The following LRRTM4 variants were observed in gnomAD, a reference collection of about 807,000 sequenced individuals.
LRRTM4 encodes leucine rich repeat transmembrane neuronal 4.
LRRTM4 carries 25 observed loss-of-function variants against 47.6 expected under a neutral mutation model. The ratio of observed to expected loss-of-function variants is 0.53; its 90% confidence interval spans 0.38 to 0.73. The LOEUF (loss-of-function observed/expected upper bound fraction) is 0.73. Ranked by LOEUF, LRRTM4 falls within the 30% of genes least tolerant of loss-of-function variation. The pLI, the probability that LRRTM4 is intolerant of heterozygous loss-of-function variation, is 0.00. For synonymous variants in LRRTM4, 311 were observed against 269.5 expected (o/e 1.15, Z -1.51); for missense variants, 638 against 713.4 (o/e 0.89, Z 1.20).
intron 3 of LRRTM4, among the ~76,000 whole-genome samples, chr2:76,833,283 T>A (rs924478514): frequency 2.6e-5 from 4 of 152,148 alleles, no homozygotes; most frequent in Non-Finnish European, 5.9e-5. Flanking sequence ...GACTTATCCA[T>A]CTATATCCGT....
At chr2:76,793,184 T>C (rs1484235686) in intron 3 of LRRTM4, among the ~76,000 whole-genome samples, 1 of 152,174 alleles carries the variant, frequency 6.6e-6, no homozygotes, top group Non-Finnish European at 1.5e-5. Context: ...GTGTAACCTA[T>C]TTATACTCTA....
chr2:77,002,756 C>G (rs1233345540), intron 3 of LRRTM4, among the ~76,000 whole-genome samples: 3 of 152,072 alleles, frequency 2.0e-5, no homozygotes, highest in East Asian at 3.9e-4. Context: ...TTTTTCTCAT[C>G]ATTTAGGTCT....
rs981523910 is a variant in LRRTM4 at position 76,747,714 on chromosome 2, AATAAT to A, written c.*976_*980del. 6.6e-6 allele frequency: 1 copy of A among 152,226 alleles called. No individual in the cohort carries two copies. Among genetic ancestry groups the A allele is most frequent in the African/African-American group, 2.4e-5 (1 of 41,452 alleles). The allele number at this position is 152,226 out of a possible 1,614,324, so 9.4% of individuals were successfully genotyped here. A position where few individuals can be genotyped will look rare whatever the true frequency, so the allele number is the denominator to read the frequency against. Reference sequence around the variant, plus strand: ...GTGGGCTGTGGTATACCAACCACAAAATAATATATTTATTTTTCAATATTTTTTCT... The same window carrying A: ...GTGGGCTGTGGTATACCAACCACAAAATATTTATTTTTCAATATTTTTTCT... On this transcript the variant is annotated 3_prime_UTR_variant, in exon 4 of 4. Transcript: ENST00000409884.
intron 3 of LRRTM4, among the ~76,000 whole-genome samples, chr2:77,081,113 C>A (rs1485018194): frequency 6.6e-6 from 1 of 152,034 alleles, no homozygotes; most frequent in Admixed American, 6.6e-5. Context: ...CTTTGGTTTT[C>A]TGTGATAGCC....
At chr2:77,486,909 C>CG (rs1168339562) in intron 3 of LRRTM4, among the ~76,000 whole-genome samples, 32 of 152,152 alleles carry the variant, frequency 2.1e-4, no homozygotes, top group African/African-American at 7.2e-4. Flanking sequence ...TGAAAGATGA[C>CG]CATCAGAGAT....
intron 3 of LRRTM4, among the ~76,000 whole-genome samples, chr2:77,325,820 C>G (rs1333914842): frequency 6.6e-6 from 1 of 152,146 alleles, no homozygotes; most frequent in African/African-American, 2.4e-5. Flanking sequence ...AAAGGCAAAA[C>G]CATTATGGAT....
intron 3 of LRRTM4, among the ~76,000 whole-genome samples, chr2:76,980,324 A>G (rs1246165842): frequency 6.6e-6 from 1 of 152,096 alleles, no homozygotes; most frequent in Non-Finnish European, 1.5e-5. Flanking sequence ...GTAGCATTGT[A>G]ACAAGTTACA....
At chr2:77,214,030 C>G (rs1227869565) in intron 3 of LRRTM4, among the ~76,000 whole-genome samples, 1 of 152,062 alleles carries the variant, frequency 6.6e-6, no homozygotes, top group Admixed American at 6.6e-5. Context: ...ACTCACAGTT[C>G]TCCTGTGGAA....
chr2:76,826,138 G>A (rs1671184867), intron 3 of LRRTM4, among the ~76,000 whole-genome samples: 2 of 151,694 alleles, frequency 1.3e-5, no homozygotes, highest in African/African-American at 2.4e-5. Flanking sequence ...TTGCTACAAA[G>A]AGGACCACAG....
At chr2:77,363,662 T>C (rs1164293756) in intron 3 of LRRTM4, among the ~76,000 whole-genome samples, 1 of 152,326 alleles carries the variant, frequency 6.6e-6, no homozygotes, top group Middle Eastern at 3.4e-3. Flanking sequence ...AAATGACTAA[T>C]GAATGTGCGC....
chr2:77,280,100 G>T lies in LRRTM4; in HGVS notation c.1551+238218C>A, dbSNP rs539351242. On this transcript the variant is annotated intron_variant, in intron 3 of 3. Transcript: ENST00000409884. ...CGAGATTATCCTGAATCACTTGGGTGAGCCCAATATAATAATCACATATGG... is the reference window on the plus strand; with the variant it reads ...CGAGATTATCCTGAATCACTTGGGTTAGCCCAATATAATAATCACATATGG... Among the ~76,000 whole-genome samples, 4 of 152,140 alleles carry T rather than the reference G, an allele frequency of 2.6e-5. No homozygotes were observed. In the South Asian group the frequency reaches 8.3e-4, roughly 31 times the overall value.
At chr2:76,926,150 G>C (rs371618878) in intron 3 of LRRTM4, among the ~76,000 whole-genome samples, 1 of 151,998 alleles carries the variant, frequency 6.6e-6, no homozygotes, top group African/African-American at 2.4e-5. Context: ...CCTTCTTTTG[G>C]ATTGTAATGT....
chr2:76,821,053 T>C (rs973672750), intron 3 of LRRTM4, among the ~76,000 whole-genome samples: 1 of 151,624 alleles, frequency 6.6e-6, no homozygotes, highest in Non-Finnish European at 1.5e-5. Flanking sequence ...ATTCCACTGA[T>C]CCTATAAGTA....
intron 3 of LRRTM4, among the ~76,000 whole-genome samples, chr2:76,899,665 A>T (rs947510114): frequency 1.3e-5 from 2 of 152,154 alleles, no homozygotes; most frequent in Admixed American, 6.5e-5. Flanking sequence ...AAAATTATTA[A>T]AACTATGGAT....
chr2:77,469,995 AG>A (rs1486719770), intron 3 of LRRTM4, among the ~76,000 whole-genome samples: 1 of 152,160 alleles, frequency 6.6e-6, no homozygotes, highest in Admixed American at 6.6e-5. Flanking sequence ...ATTTCTGGAA[AG>A]GTAATATTAT....
chr2:77,350,639 A>T (rs1671732184), intron 3 of LRRTM4, among the ~76,000 whole-genome samples: 1 of 152,138 alleles, frequency 6.6e-6, no homozygotes, highest in Non-Finnish European at 1.5e-5. Flanking sequence ...ATTGACTTGG[A>T]AAACTTATTT....
At chr2:77,451,384 A>G (rs907415959) in intron 3 of LRRTM4, among the ~76,000 whole-genome samples, 2 of 152,210 alleles carry the variant, frequency 1.3e-5, no homozygotes, top group African/African-American at 4.8e-5. Context: ...CAATCTGAGC[A>G]TCAGTGCTGT....
At chr2:76,822,921 A>AC (rs1671093869) in intron 3 of LRRTM4, among the ~76,000 whole-genome samples, 1 of 151,454 alleles carries the variant, frequency 6.6e-6, no homozygotes, top group Non-Finnish European at 1.5e-5. Flanking sequence ...TAATAAAATT[A>AC]TTTCAGTTAT....
intron 3 of LRRTM4, among the ~76,000 whole-genome samples, chr2:76,897,301 T>A (rs1673455111): frequency 6.6e-6 from 1 of 152,094 alleles, no homozygotes; most frequent in African/African-American, 2.4e-5. Context: ...AGAAATATGG[T>A]CATATACACC....
Sources: allele counts gnomAD v4.1 joint callset (sites outside exome capture counted in the v4.1 genomes callset), GRCh38; gene constraint gnomAD v4.1.1; transcripts MANE v1.5; gene names NCBI Gene and HGNC (gene_info 2026-07-23, HGNC 2026-07-21).